GALNTL6: variants seen among roughly 807,000 people sequenced by gnomAD.
GALNTL6 encodes the protein polypeptide N-acetylgalactosaminyltransferase-like 6.
In GALNTL6, 46 loss-of-function variants were observed where a neutral mutation model predicts 73.7. The ratio of observed to expected loss-of-function variants is 0.62; its 90% CI spans 0.49 to 0.80. The LOEUF is 0.80. Among genes scored for constraint, GALNTL6 ranks in the 30% least tolerant of loss-of-function variants. The pLI, the probability that GALNTL6 is intolerant of heterozygous loss-of-function variation, is 0.00. For missense variants in GALNTL6, 604 were observed against 755.0 expected, an observed-to-expected ratio of 0.80 and a Z score of 2.34; for synonymous variants, 259 against 263.7, an observed-to-expected ratio of 0.98 and a Z score of 0.17.
At chr4:171,908,533 T>C (rs922166915) in intron 2 of GALNTL6, among the ~76,000 whole-genome samples, 15 of 152,014 alleles carry the variant, frequency 9.9e-5, no homozygotes, top group African/African-American at 3.6e-4. Flanking sequence ...GGAACACTTT[T>C]ACACTGTTGG....
chr4:172,836,798 A>G (rs1414416469), intron 7 of GALNTL6, among the ~76,000 whole-genome samples: 4 of 152,176 alleles, frequency 2.6e-5, no homozygotes, highest in African/African-American at 9.7e-5. Flanking sequence ...CAAACCAAGA[A>G]TAAAATTATT....
intron 11 of GALNTL6, among the ~76,000 whole-genome samples, chr4:173,014,271 C>T (rs1198014710): frequency 6.6e-6 from 1 of 152,142 alleles, no homozygotes; most frequent in Non-Finnish European, 1.5e-5. Context: ...CTTTAGGGAT[C>T]AAGAAAGAAA....
At chr4:172,025,559 A>G (rs1327993594) in intron 2 of GALNTL6, among the ~76,000 whole-genome samples, 1 of 152,026 alleles carries the variant, frequency 6.6e-6, no homozygotes, top group Non-Finnish European at 1.5e-5. Context: ...AAAAAAGGGA[A>G]TAGTTGAGAC....
chr4:171,838,108 C>T (rs1369209370), intron 2 of GALNTL6, among the ~76,000 whole-genome samples: 1 of 149,460 alleles, frequency 6.7e-6, no homozygotes, highest in Non-Finnish European at 1.5e-5. Context: ...TTGTTTCTGT[C>T]TATTTATTTA....
At chr4:172,650,143 A>T (rs1407691667) in intron 5 of GALNTL6, among the ~76,000 whole-genome samples, 1 of 152,148 alleles carries the variant, frequency 6.6e-6, no homozygotes. Flanking sequence ...TCATCCCAGG[A>T]TCCTTTTGGG....
chr4:172,732,563 G>A (rs931904352), intron 5 of GALNTL6, among the ~76,000 whole-genome samples: 3 of 152,056 alleles, frequency 2.0e-5, no homozygotes, highest in East Asian at 1.9e-4. Context: ...CTGCTGTTTC[G>A]TTGCTTGTTT....
chr4:172,288,669 G>A (rs1434189108), intron 3 of GALNTL6, among the ~76,000 whole-genome samples: 3 of 152,110 alleles, frequency 2.0e-5, no homozygotes, highest in East Asian at 3.9e-4. Context: ...TACAGCTCCT[G>A]GCACATAATA....
intron 7 of GALNTL6, among the ~76,000 whole-genome samples, chr4:172,870,458 G>A (rs1744867437): frequency 6.6e-6 from 1 of 152,076 alleles, no homozygotes; most frequent in African/African-American, 2.4e-5. Flanking sequence ...TTTTTATTAT[G>A]TCAGGGCAAA....
At chr4:172,826,301 G>A (rs531144589) in intron 7 of GALNTL6, among the ~76,000 whole-genome samples, 47 of 152,296 alleles carry the variant, frequency 3.1e-4, no homozygotes, top group Non-Finnish European at 4.7e-4. Context: ...GCTCCTTAGC[G>A]TCCGTTCAGC....
intron 2 of GALNTL6, among the ~76,000 whole-genome samples, chr4:172,085,115 A>G (rs1354829543): frequency 6.6e-6 from 1 of 152,202 alleles, no homozygotes; most frequent in African/African-American, 2.4e-5. Flanking sequence ...AAATCTAAAT[A>G]TATAGTAATC....
At position 172,882,891 on chromosome 4, in the gene GALNTL6, A is replaced by G; in HGVS notation, c.1025A>G (p.Tyr342Cys). Residue 342 changes from tyrosine to cysteine, a missense_variant, in exon 8 of 13, where the codon TAT (tyrosine) becomes TGT (cysteine). Tyr to Cys is a radical substitution (Grantham distance 194). Coordinates refer to ENST00000506823, the MANE Select transcript of GALNTL6 (RefSeq NM_001034845.3). The stretch of plus-strand genomic sequence containing the variant: ...TTAGAAATCTGGGGAGGAGAACAGT[A>G]TGAAATCTCTTTTAAGGTAAGCCCC... ...PGLEIWGGEQ[Y>C]EISFKVWMCG... 1 of 1,590,150 alleles carries G rather than the reference A, an allele frequency of 6.3e-7. No individual in the cohort carries two copies. The highest frequency in any genetic ancestry group is 8.6e-7 in the Non-Finnish European group (1 of 1,158,640).
chr4:172,640,889 A>C (rs1244484710), intron 5 of GALNTL6, among the ~76,000 whole-genome samples: 1 of 152,114 alleles, frequency 6.6e-6, no homozygotes, highest in African/African-American at 2.4e-5. Context: ...CCCCAAATTC[A>C]GATTCATATA....
At chr4:172,604,037 T>C (rs1422008657) in intron 5 of GALNTL6, among the ~76,000 whole-genome samples, 1 of 152,214 alleles carries the variant, frequency 6.6e-6, no homozygotes, top group Admixed American at 6.5e-5. Context: ...TTATTAGTAC[T>C]ATAAATAGAA....
intron 3 of GALNTL6, among the ~76,000 whole-genome samples, chr4:172,230,940 G>T (rs555634355): frequency 3.3e-5 from 5 of 152,196 alleles, no homozygotes; most frequent in Non-Finnish European, 7.4e-5. Flanking sequence ...TCTGTATCAG[G>T]TATGGCTGAC....
At chr4:172,370,706 G>A (rs180900773) in intron 5 of GALNTL6, among the ~76,000 whole-genome samples, 2 of 151,816 alleles carry the variant, frequency 1.3e-5, no homozygotes, top group Non-Finnish European at 2.9e-5. Flanking sequence ...ATGCTGGGTG[G>A]CATCTCATAC....
chr4:172,336,265 G>GTTTT (rs1453823455), intron 4 of GALNTL6, among the ~76,000 whole-genome samples: 1 of 25,738 alleles, frequency 3.9e-5, no homozygotes, highest in Non-Finnish European at 8.9e-5. Context: ...TCTTGGTATA[G>GTTTT]TTTTGTTTTG....
chr4:172,745,371 G>C (rs995590588), intron 5 of GALNTL6, among the ~76,000 whole-genome samples: 10 of 151,090 alleles, frequency 6.6e-5, no homozygotes, highest in Non-Finnish European at 1.5e-4. Flanking sequence ...TGTTATTTTA[G>C]TGGTTATTAT....
intron 4 of GALNTL6, among the ~76,000 whole-genome samples, chr4:172,345,423 A>T (rs535584917): frequency 2.0e-5 from 3 of 152,330 alleles, no homozygotes; most frequent in Non-Finnish European, 4.4e-5. Flanking sequence ...TCATAGGCCT[A>T]GAGATGTCTC....
At chr4:172,113,752 CAAAGCAGACAAGACCCTCTGG>C (rs1372670506) in intron 2 of GALNTL6, among the ~76,000 whole-genome samples, 3 of 152,010 alleles carry the variant, frequency 2.0e-5, no homozygotes, top group Non-Finnish European at 4.4e-5. Flanking sequence ...AGACAATGAC[CAAAGCAGACAAGACCCTCTGG>C]AGTCCTCTAT....
Sources: allele counts gnomAD v4.1 joint callset (sites outside exome capture counted in the v4.1 genomes callset), GRCh38; gene constraint gnomAD v4.1.1; transcripts MANE v1.5; gene names NCBI Gene and HGNC (gene_info 2026-07-23, HGNC 2026-07-21).